The following GCNT1 variants were observed in gnomAD, a reference collection of about 807,000 sequenced individuals.
GCNT1 encodes the protein glucosaminyl (N-acetyl) transferase 1.
In GCNT1, 16 loss-of-function variants were observed where a neutral mutation model predicts 26.2. The ratio of observed to expected loss-of-function variants is 0.61; its 90% confidence interval spans 0.41 to 0.93. GCNT1 has a LOEUF of 0.93. Ranked by LOEUF, GCNT1 falls within the 40% of genes least tolerant of loss-of-function variation. The probability of loss-of-function intolerance (pLI) is 0.00; values close to 1 mark genes in which losing one functional copy is unlikely to be tolerated. For missense variants in GCNT1, 477 were observed against 526.7 expected, an observed-to-expected ratio of 0.91 and a Z score of 0.92; for synonymous variants, 183 against 190.8, an observed-to-expected ratio of 0.96 and a Z score of 0.34.
chr9:76,419,068 A>G (rs77588564), upstream of GCNT1, among the ~76,000 whole-genome samples: 9,712 of 152,198 alleles, frequency 0.064, 332 homozygotes, highest in Middle Eastern at 0.11. Flanking sequence ...AGTATACCAA[A>G]ACACCATATT....
chr9:76,469,051 A>G (rs73650227), intron 2 of GCNT1, among the ~76,000 whole-genome samples: 14,942 of 152,146 alleles, frequency 0.098, 1,160 homozygotes, highest in African/African-American at 0.22. Context: ...AGTCTTTACA[A>G]TTGATTGAAA....
rs376217916 is a variant in GCNT1, at chr9:76,427,155, C to T, written n.38+7268C>T. 8.7e-4 allele frequency among the ~76,000 whole-genome samples: 130 copies of T among 150,188 alleles called. 4 individuals are homozygous for T. In the South Asian group the frequency reaches 0.026, roughly 31 times the overall value. Reference sequence around the variant, plus strand: ...CACAGGGAGCAGACAGCCATCTGCACGATAAGGAGAGAGTCCTCAGGAGAC... The same window carrying T: ...CACAGGGAGCAGACAGCCATCTGCATGATAAGGAGAGAGTCCTCAGGAGAC... On this transcript the variant is annotated intron_variant and non_coding_transcript_variant, in intron 1 of 3. Transcript: ENST00000488136.
Position 76,507,086 on chromosome 9 carries a change from C to G in GCNT1, c.*3418C>G, listed in dbSNP as rs1001926787. 6.0e-6 allele frequency: 1 copy of G among 166,916 alleles called. No individual in the cohort carries two copies. The highest frequency in any genetic ancestry group is 2.4e-5 in the African/African-American group (1 of 41,420). 10.3% of individuals were successfully genotyped at this position (166,916 alleles called of 1,614,324 possible). A position where few individuals can be genotyped will look rare whatever the true frequency, so the allele number is the denominator to read the frequency against. ...ACATTTAGCCTGCAGTTGGGCAAAA[C>G]CATTTAACACAAAGCCTATTTTATA... On this transcript the variant is annotated 3_prime_UTR_variant, in exon 4 of 4. Transcript: ENST00000376730.
intron 2 of GCNT1, among the ~76,000 whole-genome samples, chr9:76,464,115 G>A (rs1040423116): frequency 6.6e-6 from 1 of 151,814 alleles, no homozygotes; most frequent in African/African-American, 2.4e-5. Flanking sequence ...TACATTAGGG[G>A]ATAAACTTAG....
At chr9:76,477,060 G>A (rs933976682) in intron 2 of GCNT1, among the ~76,000 whole-genome samples, 1 of 151,944 alleles carries the variant, frequency 6.6e-6, no homozygotes. Context: ...GATTGCAGGT[G>A]TGCACCACCA....
In GCNT1 at chr9:76,436,577, C is replaced by T. The variant is rs529679038; in HGVS notation, n.38+16690C>T. Among the ~76,000 whole-genome samples the T allele has an allele frequency of 1.1e-3, 142 of 126,326 alleles. 1 individual carries two copies. The highest frequency in any genetic ancestry group is 3.8e-3 in the African/African-American group (122 of 32,398). 82.9% of individuals were successfully genotyped at this position (126,326 alleles called of 152,430 possible). A position where few individuals can be genotyped will look rare whatever the true frequency, so the allele number is the denominator to read the frequency against. On this transcript the variant is annotated intron_variant and non_coding_transcript_variant, in intron 1 of 3. Transcript: ENST00000488136. ...ACTGCACTCTGCACTCCAGCCTGTG[C>T]GACAGAGTAAGATTCCATCTCAAAA... is the stretch of plus-strand genomic sequence containing the variant.
At chr9:76,472,046 C>T (rs1824142597) in intron 2 of GCNT1, among the ~76,000 whole-genome samples, 1 of 152,090 alleles carries the variant, frequency 6.6e-6, no homozygotes, top group South Asian at 2.1e-4. Context: ...CAGGCTAAGG[C>T]TGGCAGATCA....
chr9:76,496,621 C>T (rs1824913848), intron 2 of GCNT1, among the ~76,000 whole-genome samples: 2 of 152,138 alleles, frequency 1.3e-5, no homozygotes, highest in African/African-American at 4.8e-5. Context: ...CATATCGTCA[C>T]CTTAGGGGCA....
At chr9:76,436,293 G>A (rs891456590) in intron 1 of GCNT1, among the ~76,000 whole-genome samples, 2 of 151,966 alleles carry the variant, frequency 1.3e-5, no homozygotes, top group African/African-American at 4.8e-5. Context: ...CACAAGTGGT[G>A]GGAATTTGGG....
chr9:76,474,968 G>A (rs372830247), intron 2 of GCNT1, among the ~76,000 whole-genome samples: 27 of 152,072 alleles, frequency 1.8e-4, no homozygotes, highest in African/African-American at 5.6e-4. Flanking sequence ...ACGGAGTCTC[G>A]CTCCGTTGCC....
intron 2 of GCNT1, among the ~76,000 whole-genome samples, chr9:76,481,036 C>G (rs1824408534): frequency 2.0e-5 from 3 of 152,020 alleles, no homozygotes; most frequent in African/African-American, 7.2e-5. Flanking sequence ...GCCAGGAGTT[C>G]GAAACCAGCC....
chr9:76,401,315 C>G, the GCNT1 span, among the ~76,000 whole-genome samples: 4 of 152,152 alleles, frequency 2.6e-5, no homozygotes, highest in African/African-American at 9.7e-5. Flanking sequence ...AGTGCAGTGG[C>G]TATTCACAGG....
intron 1 of GCNT1, among the ~76,000 whole-genome samples, chr9:76,428,276 AAAAAAAAAAAAAACTT>A (rs1217456688): frequency 8.5e-5 from 12 of 141,456 alleles, no homozygotes; most frequent in South Asian, 6.6e-4. Flanking sequence ...AAAAAAAAAA[AAAAAAAAAAAAAACTT>A]AAAAAAAAAA....
the GCNT1 span, among the ~76,000 whole-genome samples, chr9:76,409,899 C>T: frequency 6.6e-6 from 1 of 151,874 alleles, no homozygotes; most frequent in Non-Finnish European, 1.5e-5. Context: ...ATTCAATGCC[C>T]TAAATTTCCC....
the GCNT1 span, among the ~76,000 whole-genome samples, chr9:76,407,983 C>T: frequency 6.6e-6 from 1 of 152,150 alleles, no homozygotes; most frequent in Non-Finnish European, 1.5e-5. Flanking sequence ...TATCCTGCAA[C>T]CTTGCTATAC....
At position 76,503,866 on chromosome 9, in the gene GCNT1, T is replaced by C. The variant is rs1221069744; in HGVS notation, c.*198T>C. On this transcript the variant is annotated 3_prime_UTR_variant, in exon 4 of 4. Transcript: ENST00000376730. ...GAAAGGTGATAGCATTAAATGTTCATCTAGAGTTAATAGTGGGAGGAGTAA... is the reference window on the plus strand; with the variant it reads ...GAAAGGTGATAGCATTAAATGTTCACCTAGAGTTAATAGTGGGAGGAGTAA... 3 of 594,364 alleles carry C rather than the reference T, an allele frequency of 5.0e-6. No individual in the cohort carries two copies. Among genetic ancestry groups the C allele is most frequent in the East Asian group, 2.9e-5 (1 of 34,410 alleles). The allele number at this position is 594,364 out of a possible 1,614,324, so 36.8% of individuals were successfully genotyped here. A position where few individuals can be genotyped will look rare whatever the true frequency, so the allele number is the denominator to read the frequency against.
chr9:76,429,634 C>G (rs150239644), intron 1 of GCNT1, among the ~76,000 whole-genome samples: 1 of 151,688 alleles, frequency 6.6e-6, no homozygotes, highest in Non-Finnish European at 1.5e-5. Context: ...CCAGCTTGCT[C>G]ACATACAAGC....
rs1307486205 is a variant in GCNT1 at position 76,506,646 on chromosome 9, G to T, written c.*2978G>T. On this transcript the variant is annotated 3_prime_UTR_variant, in exon 4 of 4. Coordinates refer to ENST00000376730, the MANE Select transcript of GCNT1 (RefSeq NM_001490.5). ...TTTACATCTTTCTTACTAAGGAAAA[G>T]AGTTAATAAAAATTGTTCTTTATTT... is the stretch of plus-strand genomic sequence containing the variant. The T allele has an allele frequency of 6.0e-6, 1 of 167,038 alleles. No homozygotes were observed. The highest frequency in any genetic ancestry group is 2.4e-5 in the African/African-American group (1 of 41,444). 10.3% of individuals were successfully genotyped at this position (167,038 alleles called of 1,614,324 possible). A position where few individuals can be genotyped will look rare whatever the true frequency, so the allele number is the denominator to read the frequency against.
intron 2 of GCNT1, among the ~76,000 whole-genome samples, chr9:76,485,207 C>G (rs1824540677): frequency 6.6e-6 from 1 of 152,166 alleles, no homozygotes; most frequent in African/African-American, 2.4e-5. Context: ...GAGTCTCACT[C>G]CGTCACCCAG....
Sources: gnomAD v4.1 joint callset for allele counts (sites outside exome capture counted in the v4.1 genomes callset) on GRCh38, gnomAD v4.1.1 for gene constraint, MANE v1.5 for transcripts, NCBI Gene and HGNC (gene_info 2026-07-23, HGNC 2026-07-21) for gene names.